MYCBP2: variants seen among roughly 807,000 people sequenced by gnomAD.
The protein encoded by MYCBP2 is MYC binding protein 2.
MYCBP2 carries 120 observed loss-of-function variants against 525.3 expected under a neutral mutation model. The observed-to-expected ratio is 0.23, with a 90% confidence interval of 0.20 to 0.27. The LOEUF is 0.27. Ranked by LOEUF, MYCBP2 falls within the 10% of genes least tolerant of loss-of-function variation. The probability of loss-of-function intolerance (pLI) is 1.00; values close to 1 mark genes in which losing one functional copy is unlikely to be tolerated. For missense variants in MYCBP2, 4,149 were observed against 5,657.1 expected, an observed-to-expected ratio of 0.73 and a Z score of 8.55; for synonymous variants, 1,894 against 1,955.8, an observed-to-expected ratio of 0.97 and a Z score of 0.83.
intron 46 of MYCBP2, among the ~76,000 whole-genome samples, chr13:77,152,519 G>A (rs947894211): frequency 6.2e-4 from 95 of 152,266 alleles, no homozygotes; most frequent in African/African-American, 2.1e-3. Context: ...CCGCCTAAAT[G>A]TTGCCTTTTT....
intron 49 of MYCBP2, 151 bp downstream of exon 49, chr13:77,144,294 A>G: frequency 1.6e-6 from 1 of 617,382 alleles, no homozygotes; most frequent in African/African-American, 1.9e-5. Context: ...CTAATTAAAT[A>G]CTCATTATGA....
chr13:77,144,728 C>G (rs2055246093), intron 48 of MYCBP2, among the ~76,000 whole-genome samples, 168 bp from the exon 49 acceptor site: 1 of 152,174 alleles, frequency 6.6e-6, no homozygotes, highest in African/African-American at 2.4e-5. Flanking sequence ...TCACTTCTTT[C>G]TTACCTCAAA....
Position 77,125,233 on chromosome 13 carries a change from C to T in MYCBP2, c.8017+103G>A. ...ACTTTTAGTTTTGCTTGTTAAAAAG[C>T]AAACACACAAAAAACTCTTTAAAAC... On this transcript the variant is annotated intron_variant, in intron 54 of 82. Transcript: ENST00000544440. The T allele has an allele frequency of 9.9e-6, 14 of 1,412,216 alleles. 1 individual carries two copies. The South Asian group carries it at 1.9e-4, about 19-fold the overall frequency. The allele number at this position is 1,412,216 out of a possible 1,614,324, so 87.5% of individuals were successfully genotyped here.
chr13:77,211,728 C>T (rs1208650201), intron 22 of MYCBP2, among the ~76,000 whole-genome samples: 1 of 152,180 alleles, frequency 6.6e-6, no homozygotes, highest in Non-Finnish European at 1.5e-5. Flanking sequence ...TATAGTTCTA[C>T]CACTGTCTAG....
chr13:77,128,674 G>A (rs2052153633), intron 52 of MYCBP2, among the ~76,000 whole-genome samples: 1 of 151,882 alleles, frequency 6.6e-6, no homozygotes, highest in South Asian at 2.1e-4. Context: ...TGCCTATCAT[G>A]CTCAAGCAAT....
Position 77,233,525 on chromosome 13 carries a change from C to T in MYCBP2, c.2630-262G>A, listed in dbSNP as rs971678693. 3.4e-5 allele frequency among the ~76,000 whole-genome samples: 5 copies of T among 146,274 alleles called. No homozygotes were observed. In the South Asian group the frequency reaches 1.1e-3, roughly 31 times the overall value. On this transcript the variant is annotated intron_variant, in intron 17 of 82. Coordinates refer to ENST00000544440, the MANE Select transcript of MYCBP2 (RefSeq NM_015057.5). ...TACTCATAAAATTATTGTGTAGTTA[C>T]TAATAGTCTCAAATAGATAATCAAG...
intron 45 of MYCBP2, among the ~76,000 whole-genome samples, 165 bp downstream of exon 45, chr13:77,157,772 C>T (rs544429112): frequency 5.3e-5 from 8 of 152,146 alleles, no homozygotes; most frequent in African/African-American, 1.9e-4. Context: ...AAACAAACAA[C>T]CGCCAAACAA....
intron 46 of MYCBP2, among the ~76,000 whole-genome samples, chr13:77,152,127 G>A (rs1322224496): frequency 2.0e-5 from 3 of 152,144 alleles, no homozygotes; most frequent in South Asian, 2.1e-4. Context: ...TCTTAACAAC[G>A]CGATTCTATG....
rs1594515209 is a variant in MYCBP2, at chr13:77,098,403, T to C, written c.8751A>G (p.Arg2917=). Residue 2917 remains arginine (R), a synonymous_variant, in exon 56 of 83, where the codon AGA becomes AGG. Transcript: ENST00000544440. ...DSTDSPGSEN[R]APSPHVVQEN... ...CCTGTACCACATGGGGAGAGGGAGCTCTATTTTCAGATCCAGGGGAATCTG... is the reference window on the plus strand; with the variant it reads ...CCTGTACCACATGGGGAGAGGGAGCCCTATTTTCAGATCCAGGGGAATCTG... 2 of 1,613,622 alleles carry C rather than the reference T, an allele frequency of 1.2e-6. No individual in the cohort carries two copies.
intron 1 of MYCBP2, among the ~76,000 whole-genome samples, chr13:77,308,590 T>C (rs1275033296): frequency 1.3e-5 from 2 of 152,232 alleles, no homozygotes; most frequent in African/African-American, 4.8e-5. Flanking sequence ...ACATTTTTAT[T>C]ATTATTCCCA....
intron 26 of MYCBP2, among the ~76,000 whole-genome samples, chr13:77,199,193 G>A (rs1420718846): frequency 7.9e-5 from 12 of 152,220 alleles, no homozygotes; most frequent in African/African-American, 2.7e-4. Context: ...CGCACCATGC[G>A]CGAGCTGAAG....
intron 18 of MYCBP2, among the ~76,000 whole-genome samples, chr13:77,228,692 TG>T (rs1483041910): frequency 8.8e-4 from 4 of 4,540 alleles, no homozygotes; most frequent in African/African-American, 2.3e-3. Flanking sequence ...ATGAATATGT[TG>T]TGTGTGTGTG....
intron 35 of MYCBP2, 58 bp from the exon 36 acceptor site, chr13:77,176,686 A>G: frequency 7.9e-7 from 1 of 1,266,814 alleles, no homozygotes; most frequent in Non-Finnish European, 1.0e-6. Flanking sequence ...TATTGTATGA[A>G]CAATTTTGAT....
At chr13:77,049,452 A>G (rs1475405946) in intron 82 of MYCBP2, among the ~76,000 whole-genome samples, 1 of 152,218 alleles carries the variant, frequency 6.6e-6, no homozygotes, top group East Asian at 1.9e-4. Context: ...GTTAAAAATG[A>G]TAACACAATT....
At chr13:77,257,336 G>T (rs888002412) in intron 14 of MYCBP2, among the ~76,000 whole-genome samples, 1 of 152,040 alleles carries the variant, frequency 6.6e-6, no homozygotes, top group Non-Finnish European at 1.5e-5. Flanking sequence ...CAACAGGGTG[G>T]CTACAGTTGG....
chr13:77,099,689 C>G (rs556845588), intron 55 of MYCBP2: 1 of 152,308 alleles, frequency 6.6e-6, no homozygotes, highest in African/African-American at 2.4e-5. Context: ...AACTCAGAGC[C>G]TGTGTTCCCT....
At chr13:77,090,559 T>A (rs2045229566) in intron 59 of MYCBP2, 1 of 203,198 alleles carries the variant, frequency 4.9e-6, no homozygotes, top group African/African-American at 2.3e-5. Flanking sequence ...GGGGTGGAAT[T>A]CATGTATCAT....
At chr13:77,195,248 C>T (rs2061645721) in intron 26 of MYCBP2, among the ~76,000 whole-genome samples, 1 of 152,166 alleles carries the variant, frequency 6.6e-6, no homozygotes. Context: ...ATACCTTCTT[C>T]CTGCCTTCTC....
chr13:77,209,587 C>T (rs1475097804), intron 23 of MYCBP2, among the ~76,000 whole-genome samples: 1 of 152,208 alleles, frequency 6.6e-6, no homozygotes, highest in African/African-American at 2.4e-5. Flanking sequence ...TTCTATCCCA[C>T]TGTGACCATT....
Sources: allele counts gnomAD v4.1 joint callset (sites outside exome capture counted in the v4.1 genomes callset), GRCh38; gene constraint gnomAD v4.1.1; transcripts MANE v1.5; gene names NCBI Gene and HGNC (gene_info 2026-07-23, HGNC 2026-07-21).